Variants in ZMYND19 observed in about 807,000 individuals in gnomAD.
The protein encoded by ZMYND19 is zinc finger MYND-type containing 19, also known as zinc finger MYND domain-containing protein 19.
ZMYND19 carries 17 observed loss-of-function variants against 32.0 expected under a neutral mutation model. That is an observed-to-expected ratio of 0.53 (90% CI 0.36 to 0.80). The LOEUF (loss-of-function observed/expected upper bound fraction) is 0.80, where lower values mean the gene tolerates loss of function less well. Ranked by LOEUF, ZMYND19 falls within the 30% of genes least tolerant of loss-of-function variation. The pLI is 0.00. For missense variants in ZMYND19, 250 were observed against 293.6 expected (o/e 0.85, Z 1.09); for synonymous variants, 124 against 113.6 (o/e 1.09, Z -0.58).
rs1376455967 is a variant in ZMYND19 at position 137,587,102 on chromosome 9, C to T, written c.224G>A (p.Arg75Gln). The change falls in exon 4 of 6, where the codon CGG (arginine) becomes CAG (glutamine). Residue 75 changes from arginine to glutamine, a missense_variant. By Grantham distance (43) the Arg-to-Gln change is conservative (BLOSUM62 1). Transcript: ENST00000298585. Reference protein sequence around the residue: ...GRLLHELLWERHRGGVAPGFQ... With the variant: ...GRLLHELLWEQHRGGVAPGFQ... ...GCCCGGGGCCACGCCCCCCCGGTGC[C>T]GCTCCCTAGAAACAGACAGCAAACC... is the stretch of plus-strand genomic sequence containing the variant. The T allele has an allele frequency of 5.0e-6, 8 of 1,604,390 alleles. No homozygotes were observed. Among genetic ancestry groups the T allele is most frequent in the East Asian group, 2.2e-5 (1 of 44,892 alleles).
At chr9:137,588,875 C>A (rs1300295597) in intron 1 of ZMYND19, 157 bp from the exon 2 acceptor site, 2 of 733,616 alleles carry the variant, frequency 2.7e-6, no homozygotes, top group Non-Finnish European at 4.6e-6. Context: ...CACATGGGGG[C>A]CTCATTCCAC....
chr9:137,588,830 G>A, intron 1 of ZMYND19, 112 bp from the exon 2 acceptor site: 14 of 1,231,242 alleles, frequency 1.1e-5, no homozygotes, highest in Non-Finnish European at 1.7e-5. Context: ...GAAGTGGAAA[G>A]TAACTACAGG....
intron 3 of ZMYND19, 75 bp downstream of exon 3, chr9:137,587,642 T>C: frequency 7.3e-7 from 1 of 1,368,774 alleles, no homozygotes; most frequent in South Asian, 1.2e-5. Flanking sequence ...GGCAGGGGGC[T>C]CCAGGCGCCC....
At chr9:137,587,493 C>T (rs112646225) in intron 3 of ZMYND19, 112 of 605,456 alleles carry the variant, frequency 1.8e-4, no homozygotes, top group African/African-American at 1.8e-3. Flanking sequence ...CAGAGGCTGC[C>T]GGTCCTGGGC....
At chr9:137,586,862 G>A in intron 4 of ZMYND19, 105 bp downstream of exon 4, 4 of 1,462,758 alleles carry the variant, frequency 2.7e-6, no homozygotes, top group Non-Finnish European at 2.8e-6. Flanking sequence ...AGAAGCATCA[G>A]GGCTCAGAGG....
chr9:137,586,904 T>C, intron 4 of ZMYND19, 63 bp downstream of exon 4: 1 of 1,601,252 alleles, frequency 6.2e-7, no homozygotes, highest in Non-Finnish European at 8.5e-7. Flanking sequence ...AAACAAGAGC[T>C]TTGGCGGTGG....
chr9:137,587,550 A>G, intron 3 of ZMYND19, 167 bp downstream of exon 3: 1 of 666,950 alleles, frequency 1.5e-6, no homozygotes. Flanking sequence ...GCAACATACA[A>G]ATCATTCGTT....
intron 2 of ZMYND19, 99 bp from the exon 3 acceptor site, chr9:137,587,922 G>T: frequency 1.7e-6 from 2 of 1,202,212 alleles, no homozygotes; most frequent in Non-Finnish European, 2.5e-6. Flanking sequence ...GCAAGCCAGA[G>T]GGACAAATGC....
In ZMYND19 at chr9:137,586,982, G is replaced by A. The variant is rs1235567418; in HGVS notation, c.344C>T (p.Thr115Ile). The change falls in exon 4 of 6, where the codon ACC (threonine) becomes ATC (isoleucine). Residue 115 changes from threonine to isoleucine, a missense_variant. Transcript: ENST00000298585. ...GAAGACCCACCTCTGCTTGCTGGAG[G>A]TCTCTTCAGCCTTGGGCCGCCAGCC... ...PWGWRPKAEE[T>I]SSKQREQSLY... is the part of the protein sequence containing the mutation. 2 of 1,612,364 alleles carry A rather than the reference G, an allele frequency of 1.2e-6. No homozygotes were observed. The highest frequency in any genetic ancestry group is 1.7e-5 in the Admixed American group (1 of 60,020).
chr9:137,590,360 C>G lies in ZMYND19; in HGVS notation c.-97G>C. On this transcript the variant is annotated 5_prime_UTR_variant, in exon 1 of 6. Coordinates refer to ENST00000298585, the MANE Select transcript of ZMYND19 (RefSeq NM_138462.3). The surrounding 1 kb of genome is among the most constrained non-coding windows in gnomAD (Gnocchi z 4.2). ...GCGGCGCGCCGGGACAGGACGGGACCGGAGCCGGGGTCGGGGTAGCAGCCA... is the reference window on the plus strand; with the variant it reads ...GCGGCGCGCCGGGACAGGACGGGACGGGAGCCGGGGTCGGGGTAGCAGCCA... 3.7e-6 allele frequency: 3 copies of G among 819,624 alleles called. No homozygotes were observed. Among genetic ancestry groups the G allele is most frequent in the Non-Finnish European group, 4.4e-6 (3 of 678,086 alleles). The allele number at this position is 819,624 out of a possible 1,614,324, so 50.8% of individuals were successfully genotyped here.
chr9:137,583,416 A>G (rs1364602907), intron 4 of ZMYND19, among the ~76,000 whole-genome samples: 1 of 152,226 alleles, frequency 6.6e-6, no homozygotes, highest in Non-Finnish European at 1.5e-5. Context: ...ACAGGCACAC[A>G]GTAGGCAGGA....
chr9:137,582,382 G>T lies in ZMYND19; in HGVS notation c.*161C>A. On this transcript the variant is annotated 3_prime_UTR_variant, in exon 6 of 6. Coordinates refer to ENST00000298585, the MANE Select transcript of ZMYND19 (RefSeq NM_138462.3). ...CTGCTGGAGATGAACACTGAGGGGC[G>T]CTGTAACCACACAGACTGCCTGTGA... 1.0e-6 allele frequency: 1 copy of T among 963,402 alleles called. No individual in the cohort carries two copies. Among genetic ancestry groups the T allele is most frequent in the Non-Finnish European group, 1.5e-6 (1 of 667,172 alleles). 59.7% of individuals were successfully genotyped at this position (963,402 alleles called of 1,614,324 possible).
Position 137,590,307 on chromosome 9 carries a change from G to T in ZMYND19, c.-44C>A. On this transcript the variant is annotated 5_prime_UTR_variant, in exon 1 of 6. Coordinates refer to ENST00000298585, the MANE Select transcript of ZMYND19 (RefSeq NM_138462.3). The surrounding 1 kb of genome is among the most constrained non-coding windows in gnomAD (Gnocchi z 4.2). ...GGCCGGCAGCGCCGCTCCCTCGGGAGGCGCCGAGCGGGGGCCGGGGCGAGG... is the reference window on the plus strand; with the variant it reads ...GGCCGGCAGCGCCGCTCCCTCGGGATGCGCCGAGCGGGGGCCGGGGCGAGG... The T allele has an allele frequency of 9.7e-7, 1 of 1,029,094 alleles. No individual in the cohort carries two copies. Among genetic ancestry groups the T allele is most frequent in the East Asian group, 8.2e-5 (1 of 12,212 alleles). 63.7% of individuals were successfully genotyped at this position (1,029,094 alleles called of 1,614,324 possible). A position where few individuals can be genotyped will look rare whatever the true frequency, so the allele number is the denominator to read the frequency against.
intron 4 of ZMYND19, among the ~76,000 whole-genome samples, chr9:137,583,536 G>A (rs995232547): frequency 1.3e-5 from 2 of 152,160 alleles, no homozygotes; most frequent in East Asian, 1.9e-4. Context: ...CTTCCATACC[G>A]GGAGCTGCCC....
chr9:137,589,277 A>G lies in ZMYND19; in HGVS notation c.52-559T>C, dbSNP rs116846360. 6.5e-5 allele frequency: 63 copies of G among 965,196 alleles called. No homozygotes were observed. The East Asian group carries it at 4.4e-3, about 67-fold the overall frequency. The allele number at this position is 965,196 out of a possible 1,614,324, so 59.8% of individuals were successfully genotyped here. Reference sequence around the variant, plus strand: ...TGGAGAGCCCACCCTTCCCTGGTGGAAAAAAGCCTCCTCCCCAGCAGGCCC... The same window carrying G: ...TGGAGAGCCCACCCTTCCCTGGTGGGAAAAAGCCTCCTCCCCAGCAGGCCC... On this transcript the variant is annotated intron_variant, in intron 1 of 5. Coordinates refer to ENST00000298585, the MANE Select transcript of ZMYND19 (RefSeq NM_138462.3).
At chr9:137,584,075 A>G (rs1842177592) in intron 4 of ZMYND19, among the ~76,000 whole-genome samples, 1 of 152,278 alleles carries the variant, frequency 6.6e-6, no homozygotes, top group African/African-American at 2.4e-5. Flanking sequence ...AGGAGGCCAC[A>G]GACCAGGATC....
chr9:137,588,617 T>G (rs767037188), intron 2 of ZMYND19, 42 bp downstream of exon 2: 11 of 1,611,482 alleles, frequency 6.8e-6, no homozygotes, highest in Non-Finnish European at 7.6e-6. Flanking sequence ...TCCTGGGCAC[T>G]GACCACGAGC....
intron 4 of ZMYND19, among the ~76,000 whole-genome samples, chr9:137,585,755 G>T (rs1285887536): frequency 1.3e-5 from 2 of 152,160 alleles, no homozygotes; most frequent in Non-Finnish European, 2.9e-5. Context: ...CACCTCGGCT[G>T]CCCAGGGCTC....
At position 137,583,162 on chromosome 9, in the gene ZMYND19, C is replaced by T; in HGVS notation, c.361G>A (p.Glu121Lys). ...KAEETSSKQR[E>K]QSLYWLAIQQ... ...ATTGCAAGCCAATACAAGCTTTGCT[C>T]CCTTAAAGAAAGAAGCAGACACTTG... The change falls in exon 5 of 6, where the codon GAG (glutamate) becomes AAG (lysine). Residue 121 changes from glutamate (E) to lysine (K), a missense_variant and splice_region_variant. This residue lies in a region of ZMYND19 where 212 missense variants were observed against 218.8 expected (regional missense o/e 0.97). Transcript: ENST00000298585. 6.2e-7 allele frequency: 1 copy of T among 1,613,554 alleles called. No homozygotes were observed. The highest frequency in any genetic ancestry group is 8.5e-7 in the Non-Finnish European group (1 of 1,179,732).
Sources: gnomAD v4.1 joint callset for allele counts (sites outside exome capture counted in the v4.1 genomes callset) on GRCh38, gnomAD v4.1.1 for gene constraint, gnomAD v4.1.1 regional missense constraint, Gnocchi (gnomAD v3.1) non-coding constraint, MANE v1.5 for transcripts, NCBI Gene and HGNC (gene_info 2026-07-23, HGNC 2026-07-21) for gene names.